Variants in GLDN observed in about 807,000 individuals in gnomAD.
GLDN encodes collomin.
A neutral mutation model predicts 56.5 loss-of-function variants in GLDN; 47 were observed. That is an observed-to-expected ratio of 0.83 (90% confidence interval 0.66 to 1.06). GLDN has a LOEUF of 1.06. Ranked by LOEUF, GLDN falls within the 50% of genes least tolerant of loss-of-function variation. GLDN has a pLI of 0.00. For synonymous variants in GLDN, 332 were observed against 278.8 expected, an observed-to-expected ratio of 1.19 and a Z score of -1.90; for missense variants, 782 against 714.3, an observed-to-expected ratio of 1.09 and a Z score of -1.08.
downstream of GLDN, among the ~76,000 whole-genome samples, chr15:51,411,208 C>T (rs898649987): frequency 2.0e-5 from 3 of 152,210 alleles, no homozygotes; most frequent in African/African-American, 7.2e-5. Flanking sequence ...CTAAGGGCCT[C>T]CTAACCCGCT....
chr15:51,374,929 G>T (rs1355498080), intron 1 of GLDN, among the ~76,000 whole-genome samples: 1 of 151,624 alleles, frequency 6.6e-6, no homozygotes, highest in Non-Finnish European at 1.5e-5. Context: ...ATGGAGAAAG[G>T]GTCTTACTAT....
At position 51,381,086 on chromosome 15, in the gene GLDN, A is replaced by G. The variant is rs141870704; in HGVS notation, c.416-2350A>G. ...TGTGGATTCATATGAGAGGAACTCT[A>G]TCCATAGGGCATCAGTGGAACTCTT... On this transcript the variant is annotated intron_variant, in intron 2 of 9. Transcript: ENST00000335449. Among the ~76,000 whole-genome samples, 1,107 of 152,332 alleles carry G rather than the reference A, an allele frequency of 7.3e-3. 11 individuals carry two copies. The highest frequency in any genetic ancestry group is 0.033 in the South Asian group (160 of 4,824).
At chr15:51,391,229 TG>T (rs140244454) in intron 4 of GLDN, among the ~76,000 whole-genome samples, 2,907 of 152,106 alleles carry the variant, frequency 0.019, 93 homozygotes, top group African/African-American at 0.066. Context: ...CCTGACCCTG[TG>T]GGGGGCGCAT....
chr15:51,367,610 TGACTC>T (rs1236363811), intron 1 of GLDN: 3 of 152,276 alleles, frequency 2.0e-5, no homozygotes, highest in Non-Finnish European at 4.4e-5. Context: ...GCAAAACAAA[TGACTC>T]GAGAATAAGC....
chr15:51,352,606 C>G (rs2037096378), intron 1 of GLDN, among the ~76,000 whole-genome samples: 1 of 152,196 alleles, frequency 6.6e-6, no homozygotes, highest in South Asian at 2.1e-4. Context: ...TGGAATCATA[C>G]CAACCTAAAT....
rs2038094747 is a variant in GLDN at position 51,394,947 on chromosome 15, C to A, written c.654C>A (p.Asp218Glu). Residue 218 changes from aspartate to glutamate, a missense_variant, in exon 5 of 10, where the codon GAC becomes GAA. Physicochemically the swap from Asp to Glu is conservative, Grantham distance 45. Coordinates refer to ENST00000335449, the MANE Select transcript of GLDN (RefSeq NM_181789.4). ...GPPGQKGEKG[D>E]KGDVSNDVLL... ...CAGGGCAGAAGGGAGAAAAGGGTGA[C>A]AAAGGAGATGTGTCCAACGACGTGC... 1 of 1,610,208 alleles carries A rather than the reference C, an allele frequency of 6.2e-7. No homozygotes were observed. Among genetic ancestry groups the A allele is most frequent in the African/African-American group, 1.3e-5 (1 of 74,802 alleles).
At chr15:51,379,513 A>G (rs1033477833) in intron 2 of GLDN, among the ~76,000 whole-genome samples, 1 of 152,248 alleles carries the variant, frequency 6.6e-6, no homozygotes, top group African/African-American at 2.4e-5. Flanking sequence ...ATCACGGATC[A>G]ATGCTGCTGA....
At chr15:51,372,081 G>T (rs1474416381) in intron 1 of GLDN, among the ~76,000 whole-genome samples, 1 of 152,214 alleles carries the variant, frequency 6.6e-6, no homozygotes, top group Non-Finnish European at 1.5e-5. Context: ...TCTCTGAAGA[G>T]TCCCAAGTGA....
chr15:51,391,574 A>C (rs1345453728), intron 4 of GLDN, among the ~76,000 whole-genome samples: 1 of 152,196 alleles, frequency 6.6e-6, no homozygotes, highest in Non-Finnish European at 1.5e-5. Flanking sequence ...AAACACTGAC[A>C]AAAGAACGTC....
At chr15:51,343,367 C>T (rs1489104274) in intron 1 of GLDN, among the ~76,000 whole-genome samples, 2 of 152,060 alleles carry the variant, frequency 1.3e-5, no homozygotes. Context: ...AAAAAAACCT[C>T]CTTAGGGGAA....
At position 51,341,786 on chromosome 15, in the gene GLDN, G is replaced by A; in HGVS notation, c.102G>A (p.Thr34=). The A allele has an allele frequency of 6.7e-7, 1 of 1,500,390 alleles. No homozygotes were observed. Among genetic ancestry groups the A allele is most frequent in the Non-Finnish European group, 8.8e-7 (1 of 1,134,188 alleles). 92.9% of individuals were successfully genotyped at this position (1,500,390 alleles called of 1,614,324 possible). ...TCTCGGCGCTCAACGCTGCGGGCAC[G>A]GTGTTCGCGCTGTGCCAGTGGCGCG... is the stretch of plus-strand genomic sequence containing the variant. ...ALLSALNAAG[T]VFALCQWRGL... The change falls in exon 1 of 10, where the codon ACG becomes ACA. Residue 34 remains threonine (T), a synonymous_variant. Coordinates refer to ENST00000335449, the MANE Select transcript of GLDN (RefSeq NM_181789.4).
intron 1 of GLDN, among the ~76,000 whole-genome samples, chr15:51,349,222 GA>G (rs752580651): frequency 3.9e-5 from 6 of 152,066 alleles, no homozygotes; most frequent in African/African-American, 7.2e-5. Flanking sequence ...TGTTTATAGA[GA>G]AAAAAAATCA....
chr15:51,401,628 C>A lies in GLDN; in HGVS notation c.1063C>A (p.Leu355Ile). 1 of 1,614,178 alleles carries A rather than the reference C, an allele frequency of 6.2e-7. No individual in the cohort carries two copies. The highest frequency in any genetic ancestry group is 8.5e-7 in the Non-Finnish European group (1 of 1,179,992). Residue 355 changes from leucine (L) to isoleucine (I), a missense_variant, in exon 9 of 10, where the codon CTT becomes ATT. Physicochemically the swap from Leu to Ile is conservative, Grantham distance 5. Coordinates refer to ENST00000335449, the MANE Select transcript of GLDN (RefSeq NM_181789.4). Reference sequence around the variant, plus strand: ...TAAGGAATTCAAGGATCAGCCCTCACTTCTGAATGGCAGTTACACGTTCAT... The same window carrying A: ...TAAGGAATTCAAGGATCAGCCCTCAATTCTGAATGGCAGTTACACGTTCAT... ...MVKEFKDQPS[L>I]LNGSYTFIHL...
chr15:51,342,627 G>C (rs1239340319), intron 1 of GLDN, among the ~76,000 whole-genome samples: 1 of 152,240 alleles, frequency 6.6e-6, no homozygotes, highest in Non-Finnish European at 1.5e-5. Flanking sequence ...TAGATGCTGG[G>C]AAAGTTGCCC....
Position 51,341,688 on chromosome 15 carries a change from G to T in GLDN, c.4G>T (p.Ala2Ser). 1 of 1,417,554 alleles carries T rather than the reference G, an allele frequency of 7.1e-7. No homozygotes were observed. Among genetic ancestry groups the T allele is most frequent in the Non-Finnish European group, 9.1e-7 (1 of 1,100,414 alleles). The allele number at this position is 1,417,554 out of a possible 1,614,324, so 87.8% of individuals were successfully genotyped here. M[A>S]RGAEGGRGDA... ...CCCTGCCCAAGGCGCATAGAGCATG[G>T]CCCGAGGCGCTGAGGGAGGCCGTGG... Residue 2 changes from alanine (A) to serine (S), a missense_variant, in exon 1 of 10, where the codon GCC becomes TCC. By Grantham distance (99) the Ala-to-Ser change is moderately conservative. Transcript: ENST00000335449.
chr15:51,342,022 T>TGATGATG lies in GLDN; in HGVS notation c.339_345dup (p.Thr116AspfsTer87). 1 of 1,596,242 alleles carries TGATGATG rather than the reference T, an allele frequency of 6.3e-7. No individual in the cohort carries two copies. The highest frequency in any genetic ancestry group is 8.5e-7 in the Non-Finnish European group (1 of 1,178,694). On this transcript the variant is annotated frameshift_variant, in exon 1 of 10. Coordinates refer to ENST00000335449, the MANE Select transcript of GLDN (RefSeq NM_181789.4). LOFTEE classifies it high-confidence loss of function. ...CGCGCCGAGAGCCATGACATGCTGA[T>TGATGATG]GATGATGACCTACTCCATGGTGCCG... is the stretch of plus-strand genomic sequence containing the variant.
intron 2 of GLDN, among the ~76,000 whole-genome samples, chr15:51,381,274 CT>C (rs1159155699): frequency 1.3e-5 from 2 of 152,204 alleles, no homozygotes; most frequent in East Asian, 3.8e-4. Flanking sequence ...ACAGGCAAGT[CT>C]TGTGTCTTAC....
chr15:51,358,887 A>C (rs563352851), intron 1 of GLDN, among the ~76,000 whole-genome samples: 1 of 152,318 alleles, frequency 6.6e-6, no homozygotes, highest in Non-Finnish European at 1.5e-5. Context: ...TCCTACACCT[A>C]GGTGTCTTTT....
At position 51,377,574 on chromosome 15, in the gene GLDN, G is replaced by T. The variant is rs1046632308; in HGVS notation, c.415+74G>T. 1.8e-5 allele frequency: 19 copies of T among 1,070,644 alleles called. No individual in the cohort carries two copies. In the African/African-American group the frequency reaches 3.0e-4, roughly 17 times the overall value. 66.3% of individuals were successfully genotyped at this position (1,070,644 alleles called of 1,614,324 possible). On this transcript the variant is annotated intron_variant, in intron 2 of 9. Coordinates refer to ENST00000335449, the MANE Select transcript of GLDN (RefSeq NM_181789.4). ...GCTGAAGGCCCGTGGCAGAATGAAC[G>T]CCTAGGGACACTTTGTTATAAAAAT...
Sources: allele counts gnomAD v4.1 joint callset (sites outside exome capture counted in the v4.1 genomes callset), GRCh38; gene constraint gnomAD v4.1.1; transcripts MANE v1.5; gene names NCBI Gene and HGNC (gene_info 2026-07-23, HGNC 2026-07-21).